The following NCK1 variants were observed in gnomAD, a reference collection of about 807,000 sequenced individuals.
NCK1 encodes the protein SH2/SH3 adapter protein NCK1.
NCK1 carries 19 observed loss-of-function variants against 36.6 expected under a neutral mutation model. The observed-to-expected ratio is 0.52, with a 90% CI of 0.36 to 0.76. NCK1 has a LOEUF of 0.76. Among genes scored for constraint, NCK1 ranks in the 30% least tolerant of loss-of-function variants. The probability of loss-of-function intolerance (pLI) is 0.00; values close to 1 mark genes in which losing one functional copy is unlikely to be tolerated. For missense variants in NCK1, 358 were observed against 445.6 expected (o/e 0.80, Z 1.77); for synonymous variants, 165 against 156.0 (o/e 1.06, Z -0.43).
rs1940958796 is a variant in NCK1, at chr3:136,951,044, A to T, written c.*2591A>T. On this transcript the variant is annotated 3_prime_UTR_variant, in exon 4 of 4. Coordinates refer to ENST00000481752, the MANE Select transcript of NCK1 (RefSeq NM_001291999.2). ...CATGCACCTTGCACTATTAGTGACA[A>T]ATAATACTGCTAAACAAAATAGGCT... 6.6e-6 allele frequency among the ~76,000 whole-genome samples: 1 copy of T among 152,118 alleles called. No individual in the cohort carries two copies. The highest frequency in any genetic ancestry group is 2.1e-4 in the South Asian group (1 of 4,830).
chr3:136,948,519 G>T lies in NCK1; in HGVS notation c.*66G>T. The T allele has an allele frequency of 1.4e-6, 2 of 1,392,432 alleles. No individual in the cohort carries two copies. The highest frequency in any genetic ancestry group is 2.0e-6 in the Non-Finnish European group (2 of 1,005,410). The allele number at this position is 1,392,432 out of a possible 1,614,324, so 86.3% of individuals were successfully genotyped here. On this transcript the variant is annotated 3_prime_UTR_variant, in exon 4 of 4. Coordinates refer to ENST00000481752, the MANE Select transcript of NCK1 (RefSeq NM_001291999.2). Reference sequence around the variant, plus strand: ...TCATGTAATTGAAGACTGAGAAAATGTTGGGTCCAGTCGTGCTTGATTGGA... The same window carrying T: ...TCATGTAATTGAAGACTGAGAAAATTTTGGGTCCAGTCGTGCTTGATTGGA...
chr3:136,895,183 T>A (rs1032353308), intron 1 of NCK1, among the ~76,000 whole-genome samples: 12 of 152,294 alleles, frequency 7.9e-5, no homozygotes, highest in African/African-American at 2.9e-4. Context: ...CAAGCTGATT[T>A]TTTTTGATAA....
At chr3:136,904,339 G>A (rs1939625262) in intron 1 of NCK1, among the ~76,000 whole-genome samples, 1 of 152,062 alleles carries the variant, frequency 6.6e-6, no homozygotes, top group Non-Finnish European at 1.5e-5. Context: ...TTTTAGTAGA[G>A]ATAGGGTTTC....
chr3:136,921,869 C>T (rs771542250), intron 1 of NCK1, among the ~76,000 whole-genome samples: 8 of 152,270 alleles, frequency 5.3e-5, no homozygotes, highest in African/African-American at 9.6e-5. Context: ...CTGCAGTCTC[C>T]GCCTCCCAGA....
rs994579876 is a variant in NCK1, at chr3:136,950,514, C to G, written c.*2061C>G. Among the ~76,000 whole-genome samples, 6 of 152,092 alleles carry G rather than the reference C, an allele frequency of 3.9e-5. No individual in the cohort carries two copies. Among genetic ancestry groups the G allele is most frequent in the African/African-American group, 1.4e-4 (6 of 41,424 alleles). ...GGTATAAAAACCTCGCTGGAAGCTA[C>G]TTATTTTGTACTTAAATATTTTACC... is the stretch of plus-strand genomic sequence containing the variant. On this transcript the variant is annotated 3_prime_UTR_variant, in exon 4 of 4. Transcript: ENST00000481752.
chr3:136,890,334 C>T (rs1024148978), intron 1 of NCK1, among the ~76,000 whole-genome samples: 37 of 152,328 alleles, frequency 2.4e-4, no homozygotes, highest in African/African-American at 8.9e-4. Flanking sequence ...GGAACTCCAG[C>T]TGGCCCGCCA....
intron 2 of NCK1, among the ~76,000 whole-genome samples, chr3:136,941,062 TA>T (rs1940659021): frequency 6.6e-6 from 1 of 152,066 alleles, no homozygotes; most frequent in Non-Finnish European, 1.5e-5. Flanking sequence ...TGTTTTCATT[TA>T]CTTTTTTTTC....
At chr3:136,878,909 C>G (rs1218243784) in intron 1 of NCK1, among the ~76,000 whole-genome samples, 2 of 152,100 alleles carry the variant, frequency 1.3e-5, no homozygotes, top group Non-Finnish European at 2.9e-5. Context: ...GTTACTGAGG[C>G]CTCTTCTCTT....
intron 1 of NCK1, among the ~76,000 whole-genome samples, chr3:136,906,992 A>G (rs942586416): frequency 5.3e-5 from 8 of 151,966 alleles, no homozygotes; most frequent in African/African-American, 1.9e-4. Flanking sequence ...GGCAGGGGAG[A>G]GTGATCCTCA....
At chr3:136,867,753 C>A (rs1938492023) in intron 1 of NCK1, among the ~76,000 whole-genome samples, 1 of 152,128 alleles carries the variant, frequency 6.6e-6, no homozygotes. Context: ...AACAAAGACT[C>A]AACCCTTGAT....
chr3:136,883,014 G>A (rs1938985187), intron 1 of NCK1, among the ~76,000 whole-genome samples: 1 of 152,190 alleles, frequency 6.6e-6, no homozygotes, highest in Non-Finnish European at 1.5e-5. Flanking sequence ...CGCCTCCTGG[G>A]TTCAAGCAAT....
intron 1 of NCK1, among the ~76,000 whole-genome samples, chr3:136,870,146 A>G (rs537149473): frequency 1.3e-5 from 2 of 150,746 alleles, no homozygotes; most frequent in East Asian, 4.0e-4. Flanking sequence ...GTTCGAGACC[A>G]GCCTGGCCAA....
chr3:136,886,246 C>G (rs1939070395), intron 1 of NCK1, among the ~76,000 whole-genome samples: 1 of 148,048 alleles, frequency 6.8e-6, no homozygotes, highest in African/African-American at 2.5e-5. Flanking sequence ...TATAGTTATC[C>G]TTTTTTTTTT....
chr3:136,877,641 G>C (rs1212720553), intron 1 of NCK1, among the ~76,000 whole-genome samples: 1 of 152,094 alleles, frequency 6.6e-6, no homozygotes, highest in Non-Finnish European at 1.5e-5. Flanking sequence ...TAGAAGATTT[G>C]AACTACACAG....
intron 1 of NCK1, among the ~76,000 whole-genome samples, chr3:136,921,327 G>C (rs1296442176): frequency 1.3e-5 from 2 of 152,162 alleles, no homozygotes; most frequent in African/African-American, 2.4e-5. Context: ...ACAACTAGAG[G>C]ACGTGCTCCA....
At chr3:136,935,317 G>C (rs1262582665) in intron 2 of NCK1, among the ~76,000 whole-genome samples, 1 of 151,962 alleles carries the variant, frequency 6.6e-6, no homozygotes, top group East Asian at 1.9e-4. Flanking sequence ...ATACAAAACT[G>C]TGCAAATTCT....
chr3:136,865,368 C>T (rs538503645), intron 1 of NCK1, among the ~76,000 whole-genome samples: 53 of 152,228 alleles, frequency 3.5e-4, no homozygotes, highest in African/African-American at 9.6e-4. Flanking sequence ...TACAGGTGTG[C>T]GCCACCGTGG....
intron 2 of NCK1, among the ~76,000 whole-genome samples, chr3:136,939,007 G>A (rs1297528692): frequency 6.6e-6 from 1 of 152,272 alleles, no homozygotes; most frequent in East Asian, 1.9e-4. Context: ...GAGTTAATAA[G>A]TATTCTCTCC....
At position 136,950,409 on chromosome 3, in the gene NCK1, C is replaced by G. The variant is rs1488345224; in HGVS notation, c.*1956C>G. Among the ~76,000 whole-genome samples the G allele has an allele frequency of 6.6e-6, 1 of 152,094 alleles. No homozygotes were observed. Among genetic ancestry groups the G allele is most frequent in the Non-Finnish European group, 1.5e-5 (1 of 67,962 alleles). On this transcript the variant is annotated 3_prime_UTR_variant, in exon 4 of 4. Coordinates refer to ENST00000481752, the MANE Select transcript of NCK1 (RefSeq NM_001291999.2). ...TGGAAACAGAATGCAAATTTCTGTT[C>G]CATAATTAGGTTTATTGTAGCTATA...
Sources: gnomAD v4.1 joint callset for allele counts (sites outside exome capture counted in the v4.1 genomes callset) on GRCh38, gnomAD v4.1.1 for gene constraint, MANE v1.5 for transcripts, NCBI Gene and HGNC (gene_info 2026-07-23, HGNC 2026-07-21) for gene names.